The following PLSCR4 variants were observed in gnomAD, a reference collection of about 807,000 sequenced individuals.
PLSCR4 encodes Ca(2+)-dependent phospholipid scramblase 4.
PLSCR4 carries 25 observed loss-of-function variants against 36.3 expected under a neutral mutation model. That is an observed-to-expected ratio of 0.69 (90% confidence interval 0.50 to 0.96). PLSCR4 has a LOEUF of 0.96. PLSCR4 is among the 40% of genes least tolerant of loss of function. The probability of loss-of-function intolerance (pLI) is 0.00; values close to 1 mark genes in which losing one functional copy is unlikely to be tolerated. For missense variants in PLSCR4, 408 were observed against 414.7 expected, an observed-to-expected ratio of 0.98 and a Z score of 0.14; for synonymous variants, 122 against 132.9, an observed-to-expected ratio of 0.92 and a Z score of 0.56.
At chr3:146,219,863 C>T (rs2035059565) in intron 3 of PLSCR4, among the ~76,000 whole-genome samples, 1 of 152,072 alleles carries the variant, frequency 6.6e-6, no homozygotes, top group African/African-American at 2.4e-5. Flanking sequence ...TCACTTGAAC[C>T]TGGGAGGTGG....
chr3:146,220,075 T>C (rs2035070216), intron 3 of PLSCR4, among the ~76,000 whole-genome samples: 1 of 152,236 alleles, frequency 6.6e-6, no homozygotes, highest in Admixed American at 6.5e-5. Context: ...AAAATATTAC[T>C]ACAGTGTCTA....
At chr3:146,224,750 G>A (rs1336593011) in intron 1 of PLSCR4, among the ~76,000 whole-genome samples, 2 of 152,096 alleles carry the variant, frequency 1.3e-5, no homozygotes, top group African/African-American at 4.8e-5. Flanking sequence ...CCCACACCCT[G>A]CTGATTGGTA....
At chr3:146,243,155 C>T (rs376581599) in intron 1 of PLSCR4, among the ~76,000 whole-genome samples, 56 of 152,250 alleles carry the variant, frequency 3.7e-4, no homozygotes, top group African/African-American at 1.3e-3. Flanking sequence ...TTTCATCCTG[C>T]TTCTTCCATG....
chr3:146,199,890 C>T lies in PLSCR4; in HGVS notation c.547G>A (p.Gly183Ser), dbSNP rs1576448929. The change falls in exon 6 of 9, where the codon GGC becomes AGC. Residue 183 changes from glycine (G) to serine (S), a missense_variant. By Grantham distance (56) the Gly-to-Ser change is moderately conservative (BLOSUM62 0). Transcript: ENST00000354952. ...CTCTGCATTGTCATGATTTCTCGGC[C>T]CATACAATCAGTGACCCGGAGGACG... is the stretch of plus-strand genomic sequence containing the variant. ...PFVLRVTDCMGREIMTMQRPF... is the reference protein window; with the variant it reads ...PFVLRVTDCMSREIMTMQRPF... The T allele has an allele frequency of 1.2e-6, 2 of 1,613,566 alleles. No homozygotes were observed. The highest frequency in any genetic ancestry group is 8.5e-7 in the Non-Finnish European group (1 of 1,179,774).
chr3:146,208,798 T>C (rs750147221), intron 3 of PLSCR4, among the ~76,000 whole-genome samples: 1 of 152,088 alleles, frequency 6.6e-6, no homozygotes, highest in Non-Finnish European at 1.5e-5. Context: ...AGGGAACACT[T>C]CTACACTGCT....
At chr3:146,243,509 A>T (rs1512079) in intron 1 of PLSCR4, among the ~76,000 whole-genome samples, 118,814 of 152,072 alleles carry the variant, frequency 0.78, 47,156 homozygotes, top group Non-Finnish European at 0.86. Context: ...AGACTAAGCA[A>T]CCCTAATCCA....
At chr3:146,220,016 A>T (rs6768389) in intron 3 of PLSCR4, among the ~76,000 whole-genome samples, 1,680 of 152,276 alleles carry the variant, frequency 0.011, 29 homozygotes, top group African/African-American at 0.038. Flanking sequence ...TTCAGAGCAT[A>T]ACACAATGGT....
rs1170673221 is a variant in PLSCR4, at chr3:146,192,751, T to TA, written c.*1659dup. Reference sequence around the variant, plus strand: ...CATTATAGGAAATACATAGTCTACTTACGATTGCAATGGCACTTTCAAATA... The same window carrying TA: ...CATTATAGGAAATACATAGTCTACTTAACGATTGCAATGGCACTTTCAAATA... On this transcript the variant is annotated 3_prime_UTR_variant, in exon 9 of 9. Coordinates refer to ENST00000354952, the MANE Select transcript of PLSCR4 (RefSeq NM_020353.3). 2 of 151,932 alleles carry TA rather than the reference T, an allele frequency of 1.3e-5. No individual in the cohort carries two copies. Among genetic ancestry groups the TA allele is most frequent in the East Asian group, 1.9e-4 (1 of 5,184 alleles). 9.4% of individuals were successfully genotyped at this position (151,932 alleles called of 1,614,324 possible).
chr3:146,202,336 TG>T (rs200149103), intron 4 of PLSCR4, among the ~76,000 whole-genome samples: 1,605 of 152,198 alleles, frequency 0.011, 20 homozygotes, highest in African/African-American at 0.034. Context: ...TGTAAGAAAG[TG>T]AGTGACATGA....
intron 1 of PLSCR4, among the ~76,000 whole-genome samples, chr3:146,238,512 T>A (rs1490261327): frequency 2.6e-5 from 4 of 151,972 alleles, no homozygotes; most frequent in Non-Finnish European, 5.9e-5. Context: ...TCAATGAATA[T>A]ATCATGGTAA....
chr3:146,206,232 A>T (rs557748274), intron 4 of PLSCR4, among the ~76,000 whole-genome samples: 1 of 152,088 alleles, frequency 6.6e-6, no homozygotes, highest in African/African-American at 2.4e-5. Context: ...ACTATCCTCT[A>T]TGATAGTTTT....
At chr3:146,226,246 T>C (rs560726161) in intron 1 of PLSCR4, among the ~76,000 whole-genome samples, 21 of 152,326 alleles carry the variant, frequency 1.4e-4, no homozygotes, top group African/African-American at 5.1e-4. Flanking sequence ...TTAAAAGGTA[T>C]GTACATGTTT....
chr3:146,243,076 A>C (rs544745662), intron 1 of PLSCR4, among the ~76,000 whole-genome samples: 3 of 152,290 alleles, frequency 2.0e-5, no homozygotes, highest in Admixed American at 6.5e-5. Context: ...TCAAACCTGG[A>C]AAGTTCCTAA....
rs569803772 is a variant in PLSCR4, at chr3:146,193,577, C to T, written c.*834G>A. ...ATATAAGGCATCTGTGACCAAGAGA[C>T]GTTATGAATTAAATGTACAAATGTA... is the stretch of plus-strand genomic sequence containing the variant. On this transcript the variant is annotated 3_prime_UTR_variant, in exon 9 of 9. Transcript: ENST00000354952. The T allele has an allele frequency of 4.6e-5, 7 of 152,260 alleles. No homozygotes were observed. Among genetic ancestry groups the T allele is most frequent in the Admixed American group, 6.5e-5 (1 of 15,292 alleles). 9.4% of individuals were successfully genotyped at this position (152,260 alleles called of 1,614,324 possible).
At chr3:146,240,906 C>T (rs570692521) in intron 1 of PLSCR4, among the ~76,000 whole-genome samples, 1 of 152,212 alleles carries the variant, frequency 6.6e-6, no homozygotes, top group African/African-American at 2.4e-5. Flanking sequence ...AATAGCATTA[C>T]ACATAATAGC....
intron 1 of PLSCR4, among the ~76,000 whole-genome samples, chr3:146,236,368 C>T (rs4488802): frequency 0.77 from 116,461 of 152,058 alleles, 45,701 homozygotes; most frequent in Non-Finnish European, 0.86. Flanking sequence ...ATGTACTAAG[C>T]GTATAAACAA....
chr3:146,250,760 C>G (rs2036514375), intron 1 of PLSCR4, 200 bp downstream of exon 1: 1 of 152,206 alleles, frequency 6.6e-6, no homozygotes, highest in African/African-American at 2.4e-5. Flanking sequence ...GCGCCCGACA[C>G]CACGGAACTT....
chr3:146,215,165 T>A (rs924713708), intron 3 of PLSCR4, among the ~76,000 whole-genome samples: 2 of 152,038 alleles, frequency 1.3e-5, no homozygotes, highest in African/African-American at 4.8e-5. Flanking sequence ...TTAAAATCAA[T>A]TTAATAATTC....
Position 146,234,900 on chromosome 3 carries a change from G to A in PLSCR4, c.-21-12808C>T, listed in dbSNP as rs1036285438. On this transcript the variant is annotated intron_variant, in intron 1 of 8. Transcript: ENST00000354952. ...ACACTAAAGAGATCTAAATATCATGGCAAAGACTTTGAATATTAAACTAAC... is the reference window on the plus strand; with the variant it reads ...ACACTAAAGAGATCTAAATATCATGACAAAGACTTTGAATATTAAACTAAC... Among the ~76,000 whole-genome samples, 3 of 152,220 alleles carry A rather than the reference G, an allele frequency of 2.0e-5. No homozygotes were observed. The South Asian group carries it at 6.2e-4, about 32-fold the overall frequency.
Sources: gnomAD v4.1 joint callset for allele counts (sites outside exome capture counted in the v4.1 genomes callset) on GRCh38, gnomAD v4.1.1 for gene constraint, MANE v1.5 for transcripts, NCBI Gene and HGNC (gene_info 2026-07-23, HGNC 2026-07-21) for gene names.